The following MACROD2 variants were observed in gnomAD, a reference collection of about 807,000 sequenced individuals.
MACROD2 encodes mono-ADP ribosylhydrolase 2, also known as ADP-ribose glycohydrolase MACROD2.
Under a neutral mutation model 70.4 loss-of-function variants are expected in MACROD2, and 36 were observed. The observed-to-expected ratio is 0.51, with a 90% CI of 0.39 to 0.68. The LOEUF is 0.68. Among genes scored for constraint, MACROD2 ranks in the 30% least tolerant of loss-of-function variants. The probability of loss-of-function intolerance (pLI) is 0.00; values close to 1 mark genes in which losing one functional copy is unlikely to be tolerated. For synonymous variants in MACROD2, 172 were observed against 178.8 expected, an observed-to-expected ratio of 0.96 and a Z score of 0.30; for missense variants, 496 against 538.4, an observed-to-expected ratio of 0.92 and a Z score of 0.78.
At chr20:15,662,992 T>TA in intron 8 of MACROD2, among the ~76,000 whole-genome samples, 1 of 152,156 alleles carries the variant, frequency 6.6e-6, no homozygotes. Flanking sequence ...ATAACTTATT[T>TA]TTGCCTATTA....
intron 6 of MACROD2, among the ~76,000 whole-genome samples, chr20:15,427,958 G>A (rs909491237): frequency 1.3e-5 from 2 of 152,136 alleles, no homozygotes; most frequent in African/African-American, 2.4e-5. Flanking sequence ...GCATCCAGGG[G>A]TGCTGCTAAA....
At position 14,937,591 on chromosome 20, in the gene MACROD2, T is replaced by C. The variant is rs947298526; in HGVS notation, c.418+252632T>C. On this transcript the variant is annotated intron_variant, in intron 5 of 17. Coordinates refer to ENST00000684519, the MANE Select transcript of MACROD2 (RefSeq NM_001351661.2). ...ATTTTTTTGAGGTAACATGTGATAA[T>C]GTAATACATTCATGTAATTTGTAAA... 3.9e-5 allele frequency among the ~76,000 whole-genome samples: 6 copies of C among 152,264 alleles called. No homozygotes were observed. In the South Asian group the frequency reaches 1.0e-3, roughly 26 times the overall value.
At chr20:14,594,949 C>T (rs936515234) in intron 4 of MACROD2, among the ~76,000 whole-genome samples, 8 of 152,128 alleles carry the variant, frequency 5.3e-5, no homozygotes, top group African/African-American at 1.9e-4. Flanking sequence ...CCAAATTTCA[C>T]TGCCATTATT....
intron 4 of MACROD2, among the ~76,000 whole-genome samples, chr20:14,661,862 G>C (rs527809793): frequency 6.6e-6 from 1 of 152,030 alleles, no homozygotes; most frequent in African/African-American, 2.4e-5. Flanking sequence ...CAAGTGACAT[G>C]GAAGTGACTA....
At chr20:15,724,941 G>A (rs1362682697) in intron 8 of MACROD2, among the ~76,000 whole-genome samples, 1 of 152,092 alleles carries the variant, frequency 6.6e-6, no homozygotes, top group Non-Finnish European at 1.5e-5. Flanking sequence ...AATTAGCCGG[G>A]TATGGTGGCA....
chr20:15,366,754 T>C (rs150377242), intron 6 of MACROD2, among the ~76,000 whole-genome samples: 1 of 151,960 alleles, frequency 6.6e-6, no homozygotes, highest in Non-Finnish European at 1.5e-5. Context: ...AGAGAAGGTG[T>C]CTTGCTATGT....
chr20:16,026,110 G>A (rs547674144), intron 15 of MACROD2, among the ~76,000 whole-genome samples: 14 of 152,058 alleles, frequency 9.2e-5, no homozygotes, highest in East Asian at 1.9e-4. Context: ...TCAAGATTGC[G>A]CCACTGCACT....
At chr20:14,493,443 T>A (rs1261763332) in intron 3 of MACROD2, 36 bp from the exon 4 acceptor site, 2 of 1,572,524 alleles carry the variant, frequency 1.3e-6, no homozygotes, top group Non-Finnish European at 1.7e-6. Context: ...TTATACATAT[T>A]ATTTAATGTC....
chr20:14,733,342 G>A (rs2071620319), intron 5 of MACROD2, among the ~76,000 whole-genome samples: 1 of 152,150 alleles, frequency 6.6e-6, no homozygotes, highest in Non-Finnish European at 1.5e-5. Context: ...ATTGGTGATA[G>A]TGAACAGGTA....
intron 5 of MACROD2, among the ~76,000 whole-genome samples, chr20:14,773,458 G>A (rs2072196733): frequency 6.6e-6 from 1 of 151,962 alleles, no homozygotes. Context: ...ACATATAAAT[G>A]AAATCATATA....
chr20:14,104,841 G>A (rs2054347545), intron 3 of MACROD2, among the ~76,000 whole-genome samples: 2 of 152,186 alleles, frequency 1.3e-5, no homozygotes, highest in Non-Finnish European at 2.9e-5. Flanking sequence ...ATATTAGTAT[G>A]AGGGTCATAG....
At chr20:15,745,526 G>A (rs757262203) in intron 8 of MACROD2, among the ~76,000 whole-genome samples, 3 of 152,064 alleles carry the variant, frequency 2.0e-5, no homozygotes, top group Non-Finnish European at 4.4e-5. Flanking sequence ...AGTCAATTTC[G>A]TGTTTGTAAA....
intron 8 of MACROD2, among the ~76,000 whole-genome samples, chr20:15,550,000 A>G (rs1165243171): frequency 6.6e-6 from 1 of 152,130 alleles, no homozygotes; most frequent in Non-Finnish European, 1.5e-5. Context: ...GAAACTTGGC[A>G]TTAATACAGT....
At chr20:15,908,221 G>A (rs1479500457) in intron 10 of MACROD2, among the ~76,000 whole-genome samples, 1 of 152,162 alleles carries the variant, frequency 6.6e-6, no homozygotes, top group Non-Finnish European at 1.5e-5. Context: ...AAGGGAGATT[G>A]GAGAATGGGG....
rs763857357 is a variant in MACROD2, at chr20:16,044,560, TC to T, written c.1232-10del. The T allele has an allele frequency of 2.6e-3, 4,147 of 1,607,004 alleles. 4 individuals are homozygous for T. Among genetic ancestry groups the T allele is most frequent in the Middle Eastern group, 0.014 (81 of 5,998 alleles). Reference sequence around the variant, plus strand: ...ATGAATATTTAACTTTTTTTTTTTTTCTGGTGACAGTTGAAATGAATAGTCA... The same window carrying T: ...ATGAATATTTAACTTTTTTTTTTTTTTGGTGACAGTTGAAATGAATAGTCA... On this transcript the variant is annotated splice_polypyrimidine_tract_variant and intron_variant, in intron 16 of 17. Coordinates refer to ENST00000684519, the MANE Select transcript of MACROD2 (RefSeq NM_001351661.2).
chr20:15,344,251 G>A (rs1028552191), intron 6 of MACROD2, among the ~76,000 whole-genome samples: 40 of 152,080 alleles, frequency 2.6e-4, no homozygotes, highest in African/African-American at 8.7e-4. Flanking sequence ...CTCTCTAATC[G>A]TTTTACTAGT....
chr20:15,540,140 A>G (rs1197575064), intron 8 of MACROD2, among the ~76,000 whole-genome samples: 3 of 152,250 alleles, frequency 2.0e-5, no homozygotes, highest in Non-Finnish European at 2.9e-5. Context: ...ATGGTTGCTC[A>G]GATAATGACA....
chr20:14,123,688 T>C (rs2054611932), intron 3 of MACROD2, among the ~76,000 whole-genome samples: 1 of 152,208 alleles, frequency 6.6e-6, no homozygotes, highest in Admixed American at 6.5e-5. Context: ...GTAGCATTTC[T>C]GGCCCTTGAG....
intron 7 of MACROD2, among the ~76,000 whole-genome samples, chr20:15,448,397 C>T (rs1032522195): frequency 6.6e-6 from 1 of 152,232 alleles, no homozygotes; most frequent in African/African-American, 2.4e-5. Context: ...GCAGATCAAA[C>T]CTCCTTATTA....
Sources: allele counts gnomAD v4.1 joint callset (sites outside exome capture counted in the v4.1 genomes callset), GRCh38; gene constraint gnomAD v4.1.1; transcripts MANE v1.5; gene names NCBI Gene and HGNC (gene_info 2026-07-23, HGNC 2026-07-21).